LRIF1: variants seen among roughly 807,000 people sequenced by gnomAD.
LRIF1 encodes the protein ligand dependent nuclear receptor interacting factor 1.
A neutral mutation model predicts 52.7 loss-of-function variants in LRIF1; 32 were observed. That is an observed-to-expected ratio of 0.61 (90% CI 0.46 to 0.82). The LOEUF is 0.82. Among genes scored for constraint, LRIF1 ranks in the 40% least tolerant of loss-of-function variants. The pLI, the probability that LRIF1 is intolerant of heterozygous loss-of-function variation, is 0.00. For missense variants in LRIF1, 887 were observed against 892.0 expected (o/e 0.99, Z 0.07); for synonymous variants, 323 against 317.4 (o/e 1.02, Z -0.19).
the LRIF1 span, among the ~76,000 whole-genome samples, chr1:110,908,459 T>C: frequency 2.0e-5 from 3 of 152,180 alleles, no homozygotes; most frequent in South Asian, 2.1e-4. Flanking sequence ...AGGAAGCTCA[T>C]TGAGATACAG....
chr1:110,952,510 GT>G lies in LRIF1; in HGVS notation c.373del (p.Thr125LeufsTer16). Reference sequence around the variant, plus strand: ...AGAAACTGATGAAGAAAAATTTCCAGTTCCCACAGAAGTAACTCTACCTTTT... The same window carrying G: ...AGAAACTGATGAAGAAAAATTTCCAGTCCCACAGAAGTAACTCTACCTTTT... ...SEKGRVTSVG[T>X]GNFSSSVSKV... On this transcript the variant is annotated frameshift_variant, in exon 2 of 4. Coordinates refer to ENST00000369763, the MANE Select transcript of LRIF1 (RefSeq NM_018372.4). LOFTEE classifies it high-confidence loss of function. 6.2e-7 allele frequency: 1 copy of G among 1,613,564 alleles called. No homozygotes were observed. The highest frequency in any genetic ancestry group is 8.5e-7 in the Non-Finnish European group (1 of 1,179,528).
the LRIF1 span, among the ~76,000 whole-genome samples, chr1:110,927,319 G>A: frequency 6.6e-6 from 1 of 152,086 alleles, no homozygotes; most frequent in African/African-American, 2.4e-5. Flanking sequence ...TCCTTGTGAG[G>A]AGCTATTGTC....
intron 3 of LRIF1, among the ~76,000 whole-genome samples, chr1:110,948,847 T>C (rs540770053): frequency 4.6e-5 from 7 of 152,230 alleles, no homozygotes; most frequent in Non-Finnish European, 8.8e-5. Flanking sequence ...GGCAAAGTTA[T>C]AGACATTTCT....
the LRIF1 span, among the ~76,000 whole-genome samples, chr1:110,922,222 G>C: frequency 6.6e-6 from 1 of 152,196 alleles, no homozygotes; most frequent in Non-Finnish European, 1.5e-5. Context: ...ACCTTTAAGA[G>C]ATGATTAGGA....
the LRIF1 span, chr1:110,895,197 A>C: frequency 1.5e-6 from 1 of 647,830 alleles, no homozygotes; most frequent in Non-Finnish European, 2.8e-6. Context: ...TGGCTATCAC[A>C]AACATGGGAG....
rs993771277 is a variant in LRIF1 at position 110,949,707 on chromosome 1, T to G, written c.1869+144A>C. 4 of 925,938 alleles carry G rather than the reference T, an allele frequency of 4.3e-6. No homozygotes were observed. The African/African-American group carries it at 6.7e-5, about 15-fold the overall frequency. The allele number at this position is 925,938 out of a possible 1,614,324, so 57.4% of individuals were successfully genotyped here. A position where few individuals can be genotyped will look rare whatever the true frequency, so the allele number is the denominator to read the frequency against. On this transcript the variant is annotated intron_variant, in intron 3 of 3. Coordinates refer to ENST00000369763, the MANE Select transcript of LRIF1 (RefSeq NM_018372.4). ...AGTGCTGGGGCCTGGTTGTTTTAAA[T>G]ATCATTTTGGTATTATGTATTTGCA...
At chr1:110,944,835 T>C (rs1420457904), downstream of LRIF1, 2 of 151,746 alleles carry the variant, frequency 1.3e-5, no homozygotes, top group Non-Finnish European at 2.9e-5. Flanking sequence ...TGAGGCCAAA[T>C]TGGTAAATTT....
the LRIF1 span, among the ~76,000 whole-genome samples, chr1:110,889,130 G>T: frequency 6.6e-6 from 1 of 152,052 alleles, no homozygotes; most frequent in African/African-American, 2.4e-5. Context: ...TAAAATTCTA[G>T]ATAAAATGAA....
At chr1:110,920,246 G>A in the LRIF1 span, among the ~76,000 whole-genome samples, 3 of 152,158 alleles carry the variant, frequency 2.0e-5, no homozygotes, top group African/African-American at 4.8e-5. Flanking sequence ...GCATATAGAT[G>A]TTTATAACAA....
At chr1:110,900,987 A>C in the LRIF1 span, among the ~76,000 whole-genome samples, 1 of 152,190 alleles carries the variant, frequency 6.6e-6, no homozygotes, top group Admixed American at 6.5e-5. Flanking sequence ...GAGAAGTCAG[A>C]GAAAGGAATA....
intron 1 of LRIF1, among the ~76,000 whole-genome samples, chr1:110,954,502 C>A (rs754209502): frequency 1.3e-5 from 2 of 152,144 alleles, no homozygotes; most frequent in Non-Finnish European, 2.9e-5. Context: ...GCTGGTCACA[C>A]ACTGACTTTT....
the LRIF1 span, among the ~76,000 whole-genome samples, chr1:110,919,248 CTTGAGTCA>C: frequency 8.1e-6 from 1 of 123,228 alleles, no homozygotes; most frequent in Admixed American, 8.3e-5. Flanking sequence ...GAGATTAACA[CTTGAGTCA>C]CTGGGCTGGG....
the LRIF1 span, chr1:110,891,328 G>A: frequency 2.6e-5 from 28 of 1,092,236 alleles, no homozygotes; most frequent in East Asian, 6.6e-4. Flanking sequence ...GAACATTTGT[G>A]CACTCTGATC....
At chr1:110,899,158 G>T in the LRIF1 span, 2 of 1,613,848 alleles carry the variant, frequency 1.2e-6, no homozygotes, top group Non-Finnish European at 1.7e-6. Flanking sequence ...ACCCTGAACT[G>T]CCAGATTGAC....
chr1:110,881,006 G>T, the LRIF1 span, among the ~76,000 whole-genome samples: 2 of 152,198 alleles, frequency 1.3e-5, no homozygotes, highest in Admixed American at 1.3e-4. Flanking sequence ...CCAAAGTAAG[G>T]AAGGAAGCAT....
chr1:110,896,951 CTAGACTATTACAT>C, the LRIF1 span, among the ~76,000 whole-genome samples: 2 of 152,202 alleles, frequency 1.3e-5, no homozygotes, highest in African/African-American at 4.8e-5. Flanking sequence ...TCTTGCTACA[CTAGACTATTACAT>C]TAGAGGGGAA....
In LRIF1 at chr1:110,954,296, G is replaced by T. The variant is rs1016159291; in HGVS notation, c.69-1481C>A. 1.1e-4 allele frequency among the ~76,000 whole-genome samples: 16 copies of T among 152,070 alleles called. No individual in the cohort carries two copies. In the South Asian group the frequency reaches 2.9e-3, roughly 28 times the overall value. On this transcript the variant is annotated intron_variant, in intron 1 of 3. Transcript: ENST00000369763. ...ACATTGACATTTTGTTATTGTTGCT[G>T]TTGAGACAGGGCCCGGCTCTGTCAT...
At chr1:110,923,804 A>T in the LRIF1 span, among the ~76,000 whole-genome samples, 1 of 152,180 alleles carries the variant, frequency 6.6e-6, no homozygotes, top group Non-Finnish European at 1.5e-5. Flanking sequence ...GTGAATATTA[A>T]AGAGCTGAGC....
At chr1:110,896,566 G>A in the LRIF1 span, 3 of 1,259,646 alleles carry the variant, frequency 2.4e-6, no homozygotes, top group Non-Finnish European at 3.4e-6. Flanking sequence ...AGTCAGATCT[G>A]AAGGGCACAC....
Sources: allele counts gnomAD v4.1 joint callset (sites outside exome capture counted in the v4.1 genomes callset), GRCh38; gene constraint gnomAD v4.1.1; transcripts MANE v1.5; gene names NCBI Gene and HGNC (gene_info 2026-07-23, HGNC 2026-07-21).